Variants in ELF1 observed in about 807,000 individuals in gnomAD.
ELF1 encodes E74 like ETS transcription factor 1.
In ELF1, 24 loss-of-function variants were observed where a neutral mutation model predicts 59.9. That is an observed-to-expected ratio of 0.40 (90% CI 0.29 to 0.56). ELF1 has a LOEUF of 0.56. ELF1 is among the 20% of genes least tolerant of loss of function. The pLI is 0.44. For synonymous variants in ELF1, 248 were observed against 266.2 expected (o/e 0.93, Z 0.67); for missense variants, 627 against 742.2 (o/e 0.84, Z 1.80).
At chr13:40,935,382 G>A (rs990217488) in intron 8 of ELF1, among the ~76,000 whole-genome samples, 14 of 152,196 alleles carry the variant, frequency 9.2e-5, no homozygotes, top group Non-Finnish European at 1.9e-4. Context: ...GATTATTAAA[G>A]CTACATTTTG....
At position 40,944,609 on chromosome 13, in the gene ELF1, G is replaced by A. The variant is rs111297884; in HGVS notation, c.530-684C>T. Among the ~76,000 whole-genome samples, 295 of 152,256 alleles carry A rather than the reference G, an allele frequency of 1.9e-3. 1 individual carries two copies. Among genetic ancestry groups the A allele is most frequent in the African/African-American group, 6.7e-3 (279 of 41,534 alleles). On this transcript the variant is annotated intron_variant, in intron 5 of 8. Coordinates refer to ENST00000239882, the MANE Select transcript of ELF1 (RefSeq NM_172373.4). ...ATCCCAATAGCCTCAGAGTGGGGTCGATAAACTATTCTAAAGCCGTATTTG... is the reference window on the plus strand; with the variant it reads ...ATCCCAATAGCCTCAGAGTGGGGTCAATAAACTATTCTAAAGCCGTATTTG...
rs529832363 is a variant in ELF1 at position 41,051,540 on chromosome 13, A to C, written c.-229+9298T>G. On this transcript the variant is annotated intron_variant, in intron 1 of 1. Transcript: ENST00000405737. ...AATTAAATGTTTGATTAAAACTGAA[A>C]ATGAAAAACACACACACACACACCT... 2.0e-3 allele frequency among the ~76,000 whole-genome samples: 297 copies of C among 152,234 alleles called. 2 individuals are homozygous for C. Among genetic ancestry groups the C allele is most frequent in the African/African-American group, 6.7e-3 (277 of 41,532 alleles).
chr13:40,972,363 A>C (rs760249623), intron 2 of ELF1, among the ~76,000 whole-genome samples: 1 of 152,250 alleles, frequency 6.6e-6, no homozygotes, highest in Non-Finnish European at 1.5e-5. Flanking sequence ...GCATAAGTCC[A>C]CCAGATTTTT....
chr13:40,950,503 A>G (rs992585577), intron 4 of ELF1, among the ~76,000 whole-genome samples: 1 of 147,804 alleles, frequency 6.8e-6, no homozygotes, highest in Admixed American at 6.7e-5. Flanking sequence ...TTTTTTTTTT[A>G]ACAGATCTGT....
chr13:40,943,122 C>A lies in ELF1; in HGVS notation c.636G>T (p.Glu212Asp). The change falls in exon 7 of 9, where the codon GAG (glutamate) becomes GAT (aspartate). Residue 212 changes from glutamate to aspartate, a missense_variant. Glu to Asp is a conservative substitution (Grantham distance 45, BLOSUM62 2). Coordinates refer to ENST00000239882, the MANE Select transcript of ELF1 (RefSeq NM_172373.4). Reference sequence around the variant, plus strand: ...TGTCCTGGAGCAGTGCCAGTAAAAACTCCCAAAGATAAATTGTGTTTCCTG... The same window carrying A: ...TGTCCTGGAGCAGTGCCAGTAAAAAATCCCAAAGATAAATTGTGTTTCCTG... ...DGKGNTIYLW[E>D]FLLALLQDKA... 6.5e-7 allele frequency: 1 copy of A among 1,528,600 alleles called. No individual in the cohort carries two copies. Among genetic ancestry groups the A allele is most frequent in the Non-Finnish European group, 8.8e-7 (1 of 1,131,978 alleles). 94.7% of individuals were successfully genotyped at this position (1,528,600 alleles called of 1,614,324 possible). A position where few individuals can be genotyped will look rare whatever the true frequency, so the allele number is the denominator to read the frequency against.
intron 1 of ELF1, among the ~76,000 whole-genome samples, chr13:40,998,220 GTAAGATA>G (rs1402077687): frequency 2.6e-5 from 4 of 152,162 alleles, no homozygotes; most frequent in African/African-American, 9.7e-5. Context: ...GCTTAGTACT[GTAAGATA>G]TATACAGTCA....
chr13:41,010,582 CTTTA>C (rs1490380239), intron 1 of ELF1, among the ~76,000 whole-genome samples: 1 of 151,572 alleles, frequency 6.6e-6, no homozygotes, highest in African/African-American at 2.4e-5. Context: ...TTTCTCTAAT[CTTTA>C]TATAATTATA....
At chr13:40,972,196 A>G (rs1405547920) in intron 2 of ELF1, among the ~76,000 whole-genome samples, 1 of 152,226 alleles carries the variant, frequency 6.6e-6, no homozygotes, top group Non-Finnish European at 1.5e-5. Context: ...GCATCCTTGA[A>G]TACAGGCAGT....
At chr13:41,031,114 G>C (rs191998692) in intron 1 of ELF1, among the ~76,000 whole-genome samples, 4 of 150,804 alleles carry the variant, frequency 2.7e-5, no homozygotes, top group Non-Finnish European at 4.4e-5. Flanking sequence ...AGCCATAATG[G>C]CATCATTGCT....
At chr13:41,034,262 C>G (rs1876286016) in intron 1 of ELF1, among the ~76,000 whole-genome samples, 2 of 152,144 alleles carry the variant, frequency 1.3e-5, no homozygotes, top group South Asian at 4.1e-4. Flanking sequence ...TGGACTAGAT[C>G]CTGGAACAGA....
chr13:40,951,592 G>C (rs1870855157), intron 3 of ELF1, 156 bp from the exon 4 acceptor site: 1 of 466,952 alleles, frequency 2.1e-6, no homozygotes, highest in African/African-American at 2.0e-5. Context: ...ACCAAACCTG[G>C]CTGGCGCAGT....
intron 2 of ELF1, among the ~76,000 whole-genome samples, chr13:40,975,536 GA>G (rs1186406538): frequency 6.6e-6 from 1 of 152,136 alleles, no homozygotes; most frequent in African/African-American, 2.4e-5. Context: ...AAAGTTATTT[GA>G]AGTGTTTTCC....
At chr13:40,988,297 G>A (rs149097535) in intron 1 of ELF1, among the ~76,000 whole-genome samples, 1 of 152,184 alleles carries the variant, frequency 6.6e-6, no homozygotes, top group Admixed American at 6.5e-5. Flanking sequence ...TTTAGGCCTA[G>A]AGCATTCTGA....
intron 1 of ELF1, among the ~76,000 whole-genome samples, chr13:41,051,930 TTC>T (rs1206885525): frequency 6.6e-5 from 10 of 150,594 alleles, no homozygotes; most frequent in South Asian, 2.1e-4. Flanking sequence ...TTCTTTCTTT[TTC>T]TCTTTTTTTT....
At chr13:40,964,754 C>T (rs1319136256) in intron 2 of ELF1, among the ~76,000 whole-genome samples, 2 of 152,092 alleles carry the variant, frequency 1.3e-5, no homozygotes, top group Admixed American at 6.5e-5. Context: ...AGGCTGGTCT[C>T]GAACTCCTGA....
At chr13:40,955,092 C>T (rs910682508) in intron 3 of ELF1, among the ~76,000 whole-genome samples, 1 of 149,748 alleles carries the variant, frequency 6.7e-6, no homozygotes, top group East Asian at 2.0e-4. Context: ...CGTCTCTGCC[C>T]GGCTGCCCCG....
chr13:40,985,365 A>G (rs1873498943), intron 1 of ELF1, among the ~76,000 whole-genome samples: 1 of 152,190 alleles, frequency 6.6e-6, no homozygotes, highest in Non-Finnish European at 1.5e-5. Flanking sequence ...ATCTAAATCA[A>G]TGATTCCATT....
chr13:40,958,703 T>C (rs983308130), intron 3 of ELF1, 133 bp downstream of exon 3: 2 of 1,231,896 alleles, frequency 1.6e-6, no homozygotes, highest in African/African-American at 3.0e-5. Flanking sequence ...CTTCTCCATG[T>C]AGGGCTGTAG....
At chr13:41,043,140 T>C (rs1368545027) in intron 1 of ELF1, among the ~76,000 whole-genome samples, 6 of 152,240 alleles carry the variant, frequency 3.9e-5, no homozygotes, top group Admixed American at 2.6e-4. Context: ...CGCCCACTTT[T>C]TGATGGGGTT....
Sources: allele counts gnomAD v4.1 joint callset (sites outside exome capture counted in the v4.1 genomes callset), GRCh38; gene constraint gnomAD v4.1.1; transcripts MANE v1.5; gene names NCBI Gene and HGNC (gene_info 2026-07-23, HGNC 2026-07-21).